The following MCF2L2 variants were observed in gnomAD, a reference collection of about 807,000 sequenced individuals.
The protein encoded by MCF2L2 is probable guanine nucleotide exchange factor MCF2L2.
MCF2L2 carries 102 observed loss-of-function variants against 150.2 expected under a neutral mutation model. The ratio of observed to expected loss-of-function variants is 0.68; its 90% confidence interval spans 0.58 to 0.80. MCF2L2 has a LOEUF of 0.80. Among genes scored for constraint, MCF2L2 ranks in the 30% least tolerant of loss-of-function variants. MCF2L2 has a pLI of 0.00. For missense variants in MCF2L2, 1,256 were observed against 1,372.8 expected (o/e 0.91, Z 1.34); for synonymous variants, 465 against 491.3 (o/e 0.95, Z 0.71).
intron 1 of MCF2L2, among the ~76,000 whole-genome samples, chr3:183,404,253 A>G (rs755046376): frequency 7.2e-5 from 11 of 152,250 alleles, no homozygotes; most frequent in Non-Finnish European, 8.8e-5. Context: ...TAAAATGAAT[A>G]CAATAACACA....
At chr3:183,398,435 C>G (rs1177715405) in intron 1 of MCF2L2, among the ~76,000 whole-genome samples, 2 of 152,062 alleles carry the variant, frequency 1.3e-5, no homozygotes. Flanking sequence ...GTATTGGAAT[C>G]TATTAATCCA....
At chr3:183,223,953 T>C (rs755600685) in intron 19 of MCF2L2, 145 bp downstream of exon 19, 34 of 699,752 alleles carry the variant, frequency 4.9e-5, no homozygotes, top group Non-Finnish European at 8.7e-5. Context: ...TTACAACTTT[T>C]CATGTGTAAT....
intron 1 of MCF2L2, among the ~76,000 whole-genome samples, chr3:183,405,917 T>C (rs936858814): frequency 6.6e-6 from 1 of 152,186 alleles, no homozygotes; most frequent in African/African-American, 2.4e-5. Flanking sequence ...GGTTTTACCA[T>C]GCTGGCCAGG....
intron 1 of MCF2L2, among the ~76,000 whole-genome samples, chr3:183,413,319 G>T (rs1715419548): frequency 6.6e-6 from 1 of 152,140 alleles, no homozygotes; most frequent in African/African-American, 2.4e-5. Flanking sequence ...TATGTTATAT[G>T]TATTATAAAC....
chr3:183,319,625 G>A (rs1477989408), intron 6 of MCF2L2, among the ~76,000 whole-genome samples: 1 of 152,216 alleles, frequency 6.6e-6, no homozygotes, highest in African/African-American at 2.4e-5. Flanking sequence ...TCCACAAGCT[G>A]CAGCATAGAT....
intron 3 of MCF2L2, among the ~76,000 whole-genome samples, chr3:183,357,025 C>T (rs968934120): frequency 2.6e-4 from 39 of 151,752 alleles, no homozygotes; most frequent in African/African-American, 9.2e-4. Flanking sequence ...TGGCTGATAA[C>T]AAATCAGTGA....
intron 4 of MCF2L2, among the ~76,000 whole-genome samples, chr3:183,340,363 T>C (rs1730648176): frequency 6.6e-6 from 1 of 152,092 alleles, no homozygotes; most frequent in Non-Finnish European, 1.5e-5. Context: ...ACATCCATCC[T>C]CTTTAGCCAG....
chr3:183,313,506 CT>C (rs1236379062), intron 7 of MCF2L2, among the ~76,000 whole-genome samples: 1 of 152,132 alleles, frequency 6.6e-6, no homozygotes, highest in Non-Finnish European at 1.5e-5. Flanking sequence ...CTGGTGACTG[CT>C]TTGGGATTCA....
intron 3 of MCF2L2, among the ~76,000 whole-genome samples, chr3:183,360,514 C>T (rs908311994): frequency 5.3e-5 from 8 of 151,954 alleles, no homozygotes; most frequent in Non-Finnish European, 1.2e-4. Flanking sequence ...CTGCAGTTAG[C>T]TATGATCATG....
At chr3:183,400,812 C>T (rs775539328) in intron 1 of MCF2L2, among the ~76,000 whole-genome samples, 13 of 151,294 alleles carry the variant, frequency 8.6e-5, no homozygotes, top group Non-Finnish European at 1.3e-4. Context: ...CCACCAGATA[C>T]TTAAAATAAA....
At chr3:183,328,436 T>G (rs1032858877) in intron 5 of MCF2L2, among the ~76,000 whole-genome samples, 4 of 151,626 alleles carry the variant, frequency 2.6e-5, no homozygotes, top group African/African-American at 9.7e-5. Flanking sequence ...CCTCAACTTG[T>G]GGGATCTGAT....
At chr3:183,254,495 G>A (rs1338884832) in intron 15 of MCF2L2, 2 of 152,138 alleles carry the variant, frequency 1.3e-5, no homozygotes, top group Non-Finnish European at 2.9e-5. Flanking sequence ...CCGCCGCCCA[G>A]GTGCGGCAGG....
In MCF2L2 at chr3:183,319,908, A is replaced by T. The variant is rs373194981; in HGVS notation, c.604-1691T>A. Among the ~76,000 whole-genome samples, 12 of 152,230 alleles carry T rather than the reference A, an allele frequency of 7.9e-5. No homozygotes were observed. The East Asian group carries it at 1.7e-3, about 22-fold the overall frequency. ...AGGATTTTTGGAGTGGTAAATGAGCATTGGCTTCCATTTAAGGTCACCAGC... is the reference window on the plus strand; with the variant it reads ...AGGATTTTTGGAGTGGTAAATGAGCTTTGGCTTCCATTTAAGGTCACCAGC... On this transcript the variant is annotated intron_variant, in intron 6 of 29. Transcript: ENST00000328913.
At chr3:183,310,872 C>G in intron 9 of MCF2L2, 43 bp downstream of exon 9, 1 of 1,368,150 alleles carries the variant, frequency 7.3e-7, no homozygotes. Flanking sequence ...ACCAGAGGTC[C>G]CGGTACCAGA....
chr3:183,394,157 A>C (rs1714318052), intron 1 of MCF2L2, among the ~76,000 whole-genome samples: 1 of 152,218 alleles, frequency 6.6e-6, no homozygotes, highest in Non-Finnish European at 1.5e-5. Flanking sequence ...GAAGGAACAG[A>C]AGGATCTGCC....
chr3:183,345,913 T>C (rs766808541), intron 3 of MCF2L2, among the ~76,000 whole-genome samples: 3 of 152,092 alleles, frequency 2.0e-5, no homozygotes, highest in Non-Finnish European at 4.4e-5. Context: ...AGCTCTGAAA[T>C]TGAGGCAGTA....
chr3:183,361,156 G>A lies in MCF2L2; in HGVS notation c.275+18141C>T, dbSNP rs566907772. Among the ~76,000 whole-genome samples, 436 of 117,824 alleles carry A rather than the reference G, an allele frequency of 3.7e-3. 4 individuals are homozygous for A. Among genetic ancestry groups the A allele is most frequent in the Middle Eastern group, 0.027 (6 of 224 alleles). The allele number at this position is 117,824 out of a possible 152,430, so 77.3% of individuals were successfully genotyped here. A position where few individuals can be genotyped will look rare whatever the true frequency, so the allele number is the denominator to read the frequency against. Reference sequence around the variant, plus strand: ...AAAGGAAAAGAGACAGGAAGAGAGCGAAGGGAAGGAAGGAAGGAAAGAAGG... The same window carrying A: ...AAAGGAAAAGAGACAGGAAGAGAGCAAAGGGAAGGAAGGAAGGAAAGAAGG... On this transcript the variant is annotated intron_variant, in intron 3 of 29. Transcript: ENST00000328913.
chr3:183,353,611 G>T (rs1711598679), intron 3 of MCF2L2, among the ~76,000 whole-genome samples: 1 of 152,096 alleles, frequency 6.6e-6, no homozygotes, highest in Non-Finnish European at 1.5e-5. Context: ...GAGTGAGGGA[G>T]GAGGTGCCAC....
At position 183,270,884 on chromosome 3, in the gene MCF2L2, T is replaced by C; in HGVS notation, c.1862+5988A>G. 1 of 1,608,046 alleles carries C rather than the reference T, an allele frequency of 6.2e-7. No homozygotes were observed. Among genetic ancestry groups the C allele is most frequent in the Non-Finnish European group, 8.5e-7 (1 of 1,178,010 alleles). ...GCAGATTAATGAAGATAATTCTCCT[T>C]TGTAAAATTAGCTATGTGGACACAT... On this transcript the variant is annotated intron_variant, in intron 15 of 29. Transcript: ENST00000328913. The surrounding 1 kb of genome is among the most constrained non-coding windows in gnomAD (Gnocchi z 4.5).
Sources: allele counts gnomAD v4.1 joint callset (sites outside exome capture counted in the v4.1 genomes callset), GRCh38; gene constraint gnomAD v4.1.1; non-coding constraint Gnocchi (gnomAD v3.1); transcripts MANE v1.5; gene names NCBI Gene and HGNC (gene_info 2026-07-23, HGNC 2026-07-21).